Variants in EPHA3 observed in about 807,000 individuals in gnomAD.
EPHA3 encodes the protein ephrin type-A receptor 3.
Under a neutral mutation model 107.1 loss-of-function variants are expected in EPHA3, and 42 were observed. The observed-to-expected ratio is 0.39, with a 90% confidence interval of 0.31 to 0.51. The LOEUF is 0.51. EPHA3 is among the 20% of genes least tolerant of loss of function. The probability of loss-of-function intolerance (pLI) is 0.78; values close to 1 mark genes in which losing one functional copy is unlikely to be tolerated. For missense variants in EPHA3, 1,183 were observed against 1,211.2 expected (o/e 0.98, Z 0.35); for synonymous variants, 461 against 424.8 (o/e 1.09, Z -1.05).
At chr3:89,327,179 G>A (rs1186274226) in intron 3 of EPHA3, among the ~76,000 whole-genome samples, 1 of 152,058 alleles carries the variant, frequency 6.6e-6, no homozygotes, top group South Asian at 2.1e-4. Flanking sequence ...TTCTACATGT[G>A]TTTTATGAAA....
intron 2 of EPHA3, among the ~76,000 whole-genome samples, chr3:89,152,119 T>A (rs1704702866): frequency 6.6e-6 from 1 of 152,106 alleles, no homozygotes; most frequent in Admixed American, 6.6e-5. Flanking sequence ...ATATTTTAAT[T>A]CATTTTTCTG....
chr3:89,319,005 T>G (rs1204532697), intron 3 of EPHA3, among the ~76,000 whole-genome samples: 6 of 151,934 alleles, frequency 3.9e-5, no homozygotes, highest in African/African-American at 1.4e-4. Context: ...TTCAGAATAT[T>G]TTGCTCTTAG....
At chr3:89,254,582 A>G (rs1332195110) in intron 3 of EPHA3, among the ~76,000 whole-genome samples, 1 of 152,186 alleles carries the variant, frequency 6.6e-6, no homozygotes, top group Non-Finnish European at 1.5e-5. Flanking sequence ...CAGCTAATCC[A>G]GTCACATTTA....
chr3:89,160,815 C>T (rs1318877123), intron 2 of EPHA3, among the ~76,000 whole-genome samples: 3 of 152,064 alleles, frequency 2.0e-5, no homozygotes, highest in Non-Finnish European at 4.4e-5. Context: ...TACAAAGTTG[C>T]TACTGTCTCA....
chr3:89,142,169 A>C (rs897149244), intron 2 of EPHA3, among the ~76,000 whole-genome samples: 1 of 151,436 alleles, frequency 6.6e-6, no homozygotes, highest in Non-Finnish European at 1.5e-5. Context: ...TGAAACTTTA[A>C]ATAGAATTTT....
chr3:89,149,404 C>G (rs910181906), intron 2 of EPHA3, among the ~76,000 whole-genome samples: 1 of 151,892 alleles, frequency 6.6e-6, no homozygotes, highest in African/African-American at 2.4e-5. Flanking sequence ...GTATGTCATC[C>G]ATCAGACACT....
chr3:89,261,589 A>G (rs1429318795), intron 3 of EPHA3, among the ~76,000 whole-genome samples: 1 of 152,130 alleles, frequency 6.6e-6, no homozygotes, highest in Admixed American at 6.6e-5. Context: ...GGGTTTGTAT[A>G]TAATAAGTGC....
chr3:89,376,570 A>G (rs1708409225), intron 5 of EPHA3, among the ~76,000 whole-genome samples: 1 of 151,870 alleles, frequency 6.6e-6, no homozygotes, highest in Non-Finnish European at 1.5e-5. Context: ...TTATGTTTTA[A>G]TTTCATCAAA....
intron 13 of EPHA3, among the ~76,000 whole-genome samples, chr3:89,433,899 T>C (rs991654195): frequency 2.6e-5 from 4 of 152,170 alleles, no homozygotes; most frequent in Non-Finnish European, 5.9e-5. Flanking sequence ...ATCATTTTAA[T>C]AACTGAGCTA....
intron 5 of EPHA3, among the ~76,000 whole-genome samples, chr3:89,388,740 C>T (rs142159176): frequency 6.6e-6 from 1 of 152,254 alleles, no homozygotes; most frequent in Non-Finnish European, 1.5e-5. Flanking sequence ...TTTCCCAACT[C>T]TTTGTGATCC....
intron 3 of EPHA3, among the ~76,000 whole-genome samples, chr3:89,277,748 A>C (rs575922865): frequency 1.2e-4 from 18 of 152,154 alleles, no homozygotes; most frequent in African/African-American, 4.3e-4. Context: ...ATTTCCGGAA[A>C]CTTTATTTTC....
At chr3:89,342,578 T>G (rs1707554204) in intron 5 of EPHA3, among the ~76,000 whole-genome samples, 1 of 152,174 alleles carries the variant, frequency 6.6e-6, no homozygotes, top group South Asian at 2.1e-4. Context: ...GTAGATTACT[T>G]ATGGATTTTA....
intron 3 of EPHA3, among the ~76,000 whole-genome samples, chr3:89,223,298 A>C (rs962896025): frequency 6.6e-6 from 1 of 152,156 alleles, no homozygotes; most frequent in African/African-American, 2.4e-5. Context: ...GGGAGGCTGA[A>C]AGGAAATGCT....
At chr3:89,314,322 G>C (rs761897678) in intron 3 of EPHA3, among the ~76,000 whole-genome samples, 1 of 151,976 alleles carries the variant, frequency 6.6e-6, no homozygotes, top group African/African-American at 2.4e-5. Context: ...TCTTCTCATA[G>C]TGATGTTAGA....
intron 2 of EPHA3, among the ~76,000 whole-genome samples, chr3:89,148,228 C>G (rs968083611): frequency 2.0e-5 from 3 of 151,820 alleles, no homozygotes; most frequent in Non-Finnish European, 4.4e-5. Context: ...AATGAAAACA[C>G]TAACATATAA....
intron 5 of EPHA3, among the ~76,000 whole-genome samples, chr3:89,342,554 TTAA>T (rs1707553458): frequency 6.6e-6 from 1 of 152,182 alleles, no homozygotes; most frequent in African/African-American, 2.4e-5. Context: ...CTCTGATTGC[TTAA>T]TAATAACTAT....
chr3:89,173,877 T>C (rs891099503), intron 2 of EPHA3, among the ~76,000 whole-genome samples: 2 of 151,980 alleles, frequency 1.3e-5, no homozygotes, highest in Admixed American at 1.3e-4. Flanking sequence ...TTGGCTATTG[T>C]CTCTAAAACA....
At chr3:89,148,981 C>T (rs540554429) in intron 2 of EPHA3, among the ~76,000 whole-genome samples, 2 of 151,672 alleles carry the variant, frequency 1.3e-5, no homozygotes, top group Non-Finnish European at 2.9e-5. Flanking sequence ...CTGAGAATAC[C>T]GAGTCAGAGA....
chr3:89,322,732 CT>C (rs1707072668), intron 3 of EPHA3, among the ~76,000 whole-genome samples: 1 of 152,090 alleles, frequency 6.6e-6, no homozygotes, highest in African/African-American at 2.4e-5. Context: ...TCAATTACCC[CT>C]GAGGAGATCC....
Sources: gnomAD v4.1 joint callset for allele counts (sites outside exome capture counted in the v4.1 genomes callset) on GRCh38, gnomAD v4.1.1 for gene constraint, MANE v1.5 for transcripts, NCBI Gene and HGNC (gene_info 2026-07-23, HGNC 2026-07-21) for gene names.